Variants in CPAMD8 observed in about 807,000 individuals in gnomAD.
CPAMD8 encodes C3 and PZP-like alpha-2-macroglobulin domain-containing protein 8.
CPAMD8 carries 146 observed loss-of-function variants against 224.7 expected under a neutral mutation model. The ratio of observed to expected loss-of-function variants is 0.65; its 90% CI spans 0.57 to 0.75. CPAMD8 has a LOEUF of 0.75. Ranked by LOEUF, CPAMD8 falls within the 30% of genes least tolerant of loss-of-function variation. CPAMD8 has a pLI of 0.00. For missense variants in CPAMD8, 2,301 were observed against 2,537.5 expected, an observed-to-expected ratio of 0.91 and a Z score of 2.00; for synonymous variants, 966 against 1,044.6, an observed-to-expected ratio of 0.92 and a Z score of 1.45.
At chr19:16,945,749 C>T (rs2054051862) in intron 21 of CPAMD8, 70 bp from the exon 22 acceptor site, 1 of 1,442,034 alleles carries the variant, frequency 6.9e-7, no homozygotes, top group South Asian at 1.2e-5. Flanking sequence ...CATCCCTATC[C>T]TTATCCCAGA....
chr19:16,979,855 C>T (rs886915052), intron 14 of CPAMD8, among the ~76,000 whole-genome samples: 3 of 152,148 alleles, frequency 2.0e-5, no homozygotes, highest in Non-Finnish European at 4.4e-5. Flanking sequence ...GTCTATCTAC[C>T]TACCTATCTC....
rs370174078 is a variant in CPAMD8 at position 16,914,804 on chromosome 19, G to C, written c.3639C>G (p.Ala1213=). The C allele has an allele frequency of 5.7e-5, 91 of 1,609,478 alleles. No homozygotes were observed. Among genetic ancestry groups the C allele is most frequent in the Non-Finnish European group, 7.6e-5 (89 of 1,177,668 alleles). The part of the protein sequence containing the change: ...RDASGSMWLT[A]FVLKSFAQAR... ...CCTGTGCGAAGGACTTCAGGACAAA[G>C]GCTGTGAGCCTGAAAGAGGACAGGG... Residue 1213 remains alanine, a synonymous_variant, in exon 28 of 42, where the codon GCC becomes GCG. Coordinates refer to ENST00000443236, the MANE Select transcript of CPAMD8 (RefSeq NM_015692.5).
chr19:17,012,932 A>C (rs1028388390), intron 3 of CPAMD8, among the ~76,000 whole-genome samples: 1 of 152,324 alleles, frequency 6.6e-6, no homozygotes, highest in East Asian at 1.9e-4. Flanking sequence ...CTGTAATCCC[A>C]GCACTTTGGG....
chr19:16,907,972 G>A lies in CPAMD8; in HGVS notation c.3862-855C>T, dbSNP rs565165299. On this transcript the variant is annotated intron_variant, in intron 29 of 41. Coordinates refer to ENST00000443236, the MANE Select transcript of CPAMD8 (RefSeq NM_015692.5). Reference sequence around the variant, plus strand: ...TGAGGTCTGGCCAGGATGCCCAAGTGCATGGCAAATGAGCACAGTGATACT... The same window carrying A: ...TGAGGTCTGGCCAGGATGCCCAAGTACATGGCAAATGAGCACAGTGATACT... 9.2e-5 allele frequency among the ~76,000 whole-genome samples: 14 copies of A among 152,304 alleles called. No homozygotes were observed. The South Asian group carries it at 1.7e-3, about 18-fold the overall frequency.
At chr19:16,976,386 G>A (rs971382644) in intron 15 of CPAMD8, among the ~76,000 whole-genome samples, 24 of 152,038 alleles carry the variant, frequency 1.6e-4, no homozygotes, top group African/African-American at 5.8e-4. Context: ...TGAGGCAGGA[G>A]AATCGCTTGA....
At chr19:17,021,186 G>C (rs533101735) in intron 2 of CPAMD8, among the ~76,000 whole-genome samples, 7 of 152,282 alleles carry the variant, frequency 4.6e-5, no homozygotes, top group African/African-American at 1.7e-4. Context: ...GAGAGACCTG[G>C]TTGCATCAAG....
At chr19:16,954,064 T>C (rs2054383759) in intron 19 of CPAMD8, among the ~76,000 whole-genome samples, 2 of 152,044 alleles carry the variant, frequency 1.3e-5, no homozygotes, top group Admixed American at 6.6e-5. Context: ...AGTCTGGCCA[T>C]TGTGAATAAC....
Position 16,914,780 on chromosome 19 carries a change from C to G in CPAMD8, c.3663G>C (p.Gln1221His). 1 of 1,613,716 alleles carries G rather than the reference C, an allele frequency of 6.2e-7. No homozygotes were observed. The highest frequency in any genetic ancestry group is 8.5e-7 in the Non-Finnish European group (1 of 1,179,798). ...GGTCCACGAAGATAAAGCTGCGAGC[C>G]TGTGCGAAGGACTTCAGGACAAAGG... The part of the protein sequence containing the change: ...LTAFVLKSFA[Q>H]ARSFIFVDPR... The change falls in exon 28 of 42, where the codon CAG becomes CAC. Residue 1221 changes from glutamine to histidine, a missense_variant. Transcript: ENST00000443236.
chr19:16,930,287 G>A (rs1198565795), intron 23 of CPAMD8, among the ~76,000 whole-genome samples: 1 of 151,774 alleles, frequency 6.6e-6, no homozygotes, highest in Non-Finnish European at 1.5e-5. Context: ...GAACACAACT[G>A]GAAAACTCAC....
chr19:16,906,407 T>TTCCTTCCTTCCTTCCTTCCTTCCTTCC (rs2052515486), intron 30 of CPAMD8, among the ~76,000 whole-genome samples: 1 of 69,866 alleles, frequency 1.4e-5, no homozygotes, highest in South Asian at 4.8e-4. Flanking sequence ...TCTTTCTTTC[T>TTCCTTCCTTCCTTCCTTCCTTCCTTCC]TTCCTTCCTT....
intron 7 of CPAMD8, among the ~76,000 whole-genome samples, chr19:17,007,204 C>T (rs913942337): frequency 1.3e-5 from 2 of 151,986 alleles, no homozygotes; most frequent in South Asian, 4.1e-4. Context: ...CCTGGTGGCA[C>T]GTGCCTGTAA....
Position 16,938,437 on chromosome 19 carries a change from C to A in CPAMD8, c.2803G>T (p.Val935Phe), listed in dbSNP as rs764696406. Reference protein sequence around the residue: ...RRSVMVEAEGVPRAYTYSAFF... With the variant: ...RRSVMVEAEGFPRAYTYSAFF... ...GCGCTGTAGGTGTACGCCCGGGGGA[C>A]TCCTTCCGCCTGAAACAAAGAAACA... The change falls in exon 23 of 42, where the codon GTC becomes TTC. Residue 935 changes from valine (V) to phenylalanine (F), a missense_variant. Physicochemically the swap from Val to Phe is conservative, Grantham distance 50 (BLOSUM62 -1). Coordinates refer to ENST00000443236, the MANE Select transcript of CPAMD8 (RefSeq NM_015692.5). 1 of 1,576,194 alleles carries A rather than the reference C, an allele frequency of 6.3e-7. No homozygotes were observed. The highest frequency in any genetic ancestry group is 1.2e-5 in the South Asian group (1 of 85,996).
At chr19:16,977,810 C>T (rs2055336925) in intron 14 of CPAMD8, among the ~76,000 whole-genome samples, 1 of 152,088 alleles carries the variant, frequency 6.6e-6, no homozygotes, top group South Asian at 2.1e-4. Context: ...GGAACATGGT[C>T]CCTGCTCCCT....
Position 16,950,554 on chromosome 19 carries a change from C to T in CPAMD8, c.2508+1415G>A, listed in dbSNP as rs1032814302. Among the ~76,000 whole-genome samples the T allele has an allele frequency of 3.3e-5, 5 of 151,988 alleles. No individual in the cohort carries two copies. In the Middle Eastern group the frequency reaches 0.014, roughly 414 times the overall value. On this transcript the variant is annotated intron_variant, in intron 20 of 41. Transcript: ENST00000443236. ...CTGTAATCCCAGCACTCTGGCAGGC[C>T]GAAGTGGGAGGGTCACTTGAGGCCA...
chr19:16,901,417 G>A, intron 35 of CPAMD8, 120 bp from the exon 36 acceptor site: 1 of 709,072 alleles, frequency 1.4e-6, no homozygotes, highest in Non-Finnish European at 2.5e-6. Context: ...CCTGGGGCCT[G>A]GCCGGCAGGC....
At chr19:16,916,291 G>A (rs1301441233) in intron 27 of CPAMD8, among the ~76,000 whole-genome samples, 1 of 152,064 alleles carries the variant, frequency 6.6e-6, no homozygotes. Flanking sequence ...TGGGATTATA[G>A]GCATAAGCCA....
intron 36 of CPAMD8, among the ~76,000 whole-genome samples, chr19:16,900,886 C>G (rs2052225401): frequency 1.3e-5 from 2 of 151,864 alleles, no homozygotes; most frequent in Admixed American, 1.3e-4. Flanking sequence ...GTAGTGCATG[C>G]TTGTAGTCCC....
rs1210850781 is a variant in CPAMD8, at chr19:16,989,096, G to GGTGA, written c.1395+543_1395+546dup. On this transcript the variant is annotated intron_variant, in intron 13 of 41. Transcript: ENST00000443236. The stretch of plus-strand genomic sequence containing the variant: ...AGGGCTCCCACTGATTCTACATGAT[G>GGTGA]GTGAGTTGTATCATTGTTTCATTAT... Among the ~76,000 whole-genome samples the GGTGA allele has an allele frequency of 4.6e-5, 7 of 152,118 alleles. No homozygotes were observed. In the South Asian group the frequency reaches 6.2e-4, roughly 14 times the overall value.
chr19:16,901,131 C>T, intron 36 of CPAMD8, 79 bp downstream of exon 36: 2 of 934,230 alleles, frequency 2.1e-6, no homozygotes, highest in East Asian at 5.4e-5. Context: ...GGACTGCCAG[C>T]CAGCCTGACC....
Sources: allele counts gnomAD v4.1 joint callset (sites outside exome capture counted in the v4.1 genomes callset), GRCh38; gene constraint gnomAD v4.1.1; transcripts MANE v1.5; gene names NCBI Gene and HGNC (gene_info 2026-07-23, HGNC 2026-07-21).